Variants in DENND1B observed in about 807,000 individuals in gnomAD.
DENND1B encodes the protein DENN domain containing 1B.
DENND1B carries 59 observed loss-of-function variants against 90.1 expected under a neutral mutation model. The ratio of observed to expected loss-of-function variants is 0.65; its 90% CI spans 0.53 to 0.81. The LOEUF (loss-of-function observed/expected upper bound fraction) is 0.81, where lower values mean the gene tolerates loss of function less well. Among genes scored for constraint, DENND1B ranks in the 40% least tolerant of loss-of-function variants. DENND1B has a pLI of 0.00. For missense variants in DENND1B, 862 were observed against 912.6 expected (o/e 0.94, Z 0.71); for synonymous variants, 337 against 324.6 (o/e 1.04, Z -0.41).
intron 1 of DENND1B, among the ~76,000 whole-genome samples, chr1:197,773,724 G>A (rs1656900123): frequency 6.6e-6 from 1 of 152,106 alleles, no homozygotes; most frequent in Non-Finnish European, 1.5e-5. Flanking sequence ...AAGCAACATT[G>A]GTTAAATTTC....
chr1:197,577,246 C>T (rs1404088664), intron 15 of DENND1B, among the ~76,000 whole-genome samples: 2 of 152,066 alleles, frequency 1.3e-5, no homozygotes, highest in East Asian at 3.9e-4. Flanking sequence ...AGATGATTGA[C>T]CTAAGGGTTG....
intron 2 of DENND1B, among the ~76,000 whole-genome samples, chr1:197,731,545 G>A (rs556152346): frequency 3.9e-5 from 6 of 152,196 alleles, no homozygotes; most frequent in African/African-American, 9.6e-5. Context: ...TGGTAGTTAC[G>A]TGGCTGGATA....
upstream of DENND1B, among the ~76,000 whole-genome samples, chr1:197,777,758 T>C (rs946395002): frequency 1.3e-5 from 2 of 152,206 alleles, no homozygotes; most frequent in East Asian, 3.8e-4. Flanking sequence ...GTCTGTATTG[T>C]TGTCAAAGAA....
At chr1:197,587,407 GA>G (rs1350473811) in intron 14 of DENND1B, among the ~76,000 whole-genome samples, 1 of 152,060 alleles carries the variant, frequency 6.6e-6, no homozygotes, top group Non-Finnish European at 1.5e-5. Context: ...GGGGCAAAAA[GA>G]AAGGAATCAA....
intron 10 of DENND1B, among the ~76,000 whole-genome samples, chr1:197,625,825 A>G (rs532131414): frequency 1.3e-5 from 2 of 152,302 alleles, no homozygotes; most frequent in East Asian, 3.9e-4. Flanking sequence ...GGATGGAGGA[A>G]GATCTACCAA....
At chr1:197,672,231 T>G in intron 4 of DENND1B, 75 bp from the exon 5 acceptor site, 3 of 1,475,280 alleles carry the variant, frequency 2.0e-6, no homozygotes, top group Non-Finnish European at 2.7e-6. Flanking sequence ...AATAAGAGTA[T>G]ATTTATATGT....
chr1:197,678,573 C>A (rs1052747070), intron 3 of DENND1B, among the ~76,000 whole-genome samples: 2 of 152,122 alleles, frequency 1.3e-5, no homozygotes, highest in Non-Finnish European at 2.9e-5. Context: ...TCCCGAACAG[C>A]ACTTAGATGT....
rs114665488 is a variant in DENND1B, at chr1:197,762,239, G to A, written c.82+10629C>T. Among the ~76,000 whole-genome samples the A allele has an allele frequency of 9.1e-3, 1,379 of 151,790 alleles. 19 individuals carry two copies. The highest frequency in any genetic ancestry group is 0.03 in the African/African-American group (1,258 of 41,406). ...GCTCAAGATAGACTATAACTTCCAC[G>A]AGACAGACACCAAAAGGCTTATTAG... On this transcript the variant is annotated intron_variant, in intron 2 of 22. Coordinates refer to ENST00000620048, the MANE Select transcript of DENND1B (RefSeq NM_001195215.2).
upstream of DENND1B, among the ~76,000 whole-genome samples, chr1:197,777,459 A>C (rs932851791): frequency 2.6e-5 from 4 of 152,218 alleles, no homozygotes; most frequent in African/African-American, 9.6e-5. Flanking sequence ...TATTACTGAA[A>C]TAAAAGGGAT....
intron 3 of DENND1B, among the ~76,000 whole-genome samples, 187 bp downstream of exon 3, chr1:197,714,844 C>T (rs1660484993): frequency 6.6e-6 from 1 of 152,102 alleles, no homozygotes; most frequent in Non-Finnish European, 1.5e-5. Flanking sequence ...CACCCATCTA[C>T]TTGGTAACTT....
At chr1:197,697,573 A>G (rs1307707751) in intron 3 of DENND1B, among the ~76,000 whole-genome samples, 1 of 151,830 alleles carries the variant, frequency 6.6e-6, no homozygotes, top group Non-Finnish European at 1.5e-5. Context: ...CCTAAACACC[A>G]GCATTTCCTC....
At chr1:197,536,096 G>A (rs1669857959) in intron 20 of DENND1B, among the ~76,000 whole-genome samples, 1 of 149,998 alleles carries the variant, frequency 6.7e-6, no homozygotes, top group Non-Finnish European at 1.5e-5. Context: ...GAGAGGAAAA[G>A]AGGGAGAGAG....
chr1:197,697,169 G>C (rs1450022958), intron 3 of DENND1B, among the ~76,000 whole-genome samples: 1 of 150,758 alleles, frequency 6.6e-6, no homozygotes, highest in East Asian at 1.9e-4. Flanking sequence ...CCTCTCATTT[G>C]CTGAATATCT....
intron 2 of DENND1B, among the ~76,000 whole-genome samples, chr1:197,759,303 TAAAAG>T (rs1654713223): frequency 6.8e-6 from 1 of 148,022 alleles, no homozygotes. Context: ...AAAAACCAAA[TAAAAG>T]AAATTAATAT....
intron 3 of DENND1B, among the ~76,000 whole-genome samples, chr1:197,697,606 A>C (rs1381544292): frequency 6.6e-6 from 1 of 151,658 alleles, no homozygotes; most frequent in Non-Finnish European, 1.5e-5. Context: ...CTTGCACTCC[A>C]ATTAGAAGTA....
intron 3 of DENND1B, among the ~76,000 whole-genome samples, chr1:197,700,344 A>C (rs2102150205): frequency 6.6e-6 from 1 of 152,274 alleles, no homozygotes; most frequent in Non-Finnish European, 1.5e-5. Flanking sequence ...TCTTTGGCAA[A>C]CCTGACAAAA....
intron 9 of DENND1B, 42 bp downstream of exon 9, chr1:197,645,648 T>C (rs999911264): frequency 7.8e-7 from 1 of 1,275,052 alleles, no homozygotes; most frequent in Non-Finnish European, 1.1e-6. Context: ...TAAACAAAAT[T>C]AATAATATAA....
intron 15 of DENND1B, among the ~76,000 whole-genome samples, chr1:197,582,271 C>A (rs918030731): frequency 6.6e-6 from 1 of 152,018 alleles, no homozygotes; most frequent in Non-Finnish European, 1.5e-5. Flanking sequence ...CTTTACTGAC[C>A]TAATTTGAAG....
At chr1:197,527,133 A>C (rs528605891) in intron 20 of DENND1B, among the ~76,000 whole-genome samples, 1 of 152,314 alleles carries the variant, frequency 6.6e-6, no homozygotes, top group East Asian at 1.9e-4. Flanking sequence ...CAAAAGATCA[A>C]TTTATAAATT....
Sources: gnomAD v4.1 joint callset for allele counts (sites outside exome capture counted in the v4.1 genomes callset) on GRCh38, gnomAD v4.1.1 for gene constraint, MANE v1.5 for transcripts, NCBI Gene and HGNC (gene_info 2026-07-23, HGNC 2026-07-21) for gene names.